Variants in WDR62 observed in about 807,000 individuals in gnomAD.
The protein encoded by WDR62 is WD repeat domain 62, also known as WD repeat-containing protein 62.
A neutral mutation model predicts 160.6 loss-of-function variants in WDR62; 112 were observed. The observed-to-expected ratio is 0.70, with a 90% CI of 0.60 to 0.82. The LOEUF is 0.82. Ranked by LOEUF, WDR62 falls within the 40% of genes least tolerant of loss-of-function variation. The probability of loss-of-function intolerance (pLI) is 0.00; values close to 1 mark genes in which losing one functional copy is unlikely to be tolerated. For missense variants in WDR62, 1,819 were observed against 1,983.8 expected, an observed-to-expected ratio of 0.92 and a Z score of 1.58; for synonymous variants, 792 against 815.1, an observed-to-expected ratio of 0.97 and a Z score of 0.48.
chr19:36,079,501 A>G (rs1009005280), intron 9 of WDR62, among the ~76,000 whole-genome samples: 2 of 152,100 alleles, frequency 1.3e-5, no homozygotes, highest in African/African-American at 4.8e-5. Flanking sequence ...GTGATTGGTC[A>G]ATTTCATTTC....
chr19:36,069,099 C>T (rs1477125546), intron 7 of WDR62, among the ~76,000 whole-genome samples: 9 of 147,130 alleles, frequency 6.1e-5, no homozygotes, highest in African/African-American at 9.9e-5. Flanking sequence ...CCCTCCCGGA[C>T]GGAGCGGCTG....
rs1441853092 is a variant in WDR62 at position 36,073,350 on chromosome 19, T to G, written c.1052T>G (p.Phe351Cys). Residue 351 changes from phenylalanine to cysteine, a missense_variant, in exon 9 of 32, where the codon TTC becomes TGC. This residue lies in a region of WDR62 where 934 missense variants were observed against 1,157.2 expected (regional missense o/e 0.81). Coordinates refer to ENST00000401500, the MANE Select transcript of WDR62 (RefSeq NM_001083961.2). ...VAQGLEPSFL[F>C]HRKAEAVYPD... The stretch of plus-strand genomic sequence containing the variant: ...CCATGTGGCCTTGTTAGCTTCCTCT[T>G]CCACAGGAAGGCGGAAGCAGTCTAC... 6.2e-7 allele frequency: 1 copy of G among 1,614,130 alleles called. No homozygotes were observed.
intron 9 of WDR62, among the ~76,000 whole-genome samples, chr19:36,074,854 C>T (rs1050455365): frequency 1.3e-5 from 2 of 152,162 alleles, no homozygotes; most frequent in Non-Finnish European, 2.9e-5. Context: ...GATGACTTCC[C>T]TGCCCCCAGT....
rs1267014793 is a variant in WDR62 at position 36,083,119 on chromosome 19, A to G, written c.1428A>G (p.Ser476=). 1.2e-6 allele frequency: 2 copies of G among 1,613,702 alleles called. No individual in the cohort carries two copies. The highest frequency in any genetic ancestry group is 1.7e-6 in the Non-Finnish European group (2 of 1,179,848). Residue 476 remains serine, a synonymous_variant, in exon 11 of 32, where the codon TCA becomes TCG. Transcript: ENST00000401500. ...ACATCCAGCACCTGCAGGACATGTC[A>G]CACTTCCCAGACCGGGGGAGCGAGA... ...ENDIQHLQDM[S]HFPDRGSENG...
intron 9 of WDR62, among the ~76,000 whole-genome samples, chr19:36,077,385 A>G (rs1342453397): frequency 7.2e-6 from 1 of 138,060 alleles, no homozygotes; most frequent in Admixed American, 7.9e-5. Context: ...GGTTCACGCC[A>G]TTCTTCTTCC....
Position 36,064,279 on chromosome 19 carries a change from T to TC in WDR62, c.333-1678dup, listed in dbSNP as rs34273976. Reference sequence around the variant, plus strand: ...GTCTCTGAACGCCACATTTTTTTTTTCTGTCTCTCTTTTTGAGACAGAGTC... The same window carrying TC: ...GTCTCTGAACGCCACATTTTTTTTTTCCTGTCTCTCTTTTTGAGACAGAGTC... On this transcript the variant is annotated intron_variant, in intron 3 of 31. Transcript: ENST00000401500. Among the ~76,000 whole-genome samples, 298 of 152,130 alleles carry TC rather than the reference T, an allele frequency of 2.0e-3. 1 individual carries two copies. Among genetic ancestry groups the TC allele is most frequent in the Middle Eastern group, 3.4e-3 (1 of 294 alleles).
chr19:36,099,247 G>T, intron 21 of WDR62, 152 bp from the exon 22 acceptor site: 4 of 521,404 alleles, frequency 7.7e-6, no homozygotes, highest in Non-Finnish European at 1.3e-5. Flanking sequence ...AAAAAAAACA[G>T]AGAAAGGTTC....
At chr19:36,066,209 C>T (rs749392644) in intron 4 of WDR62, 48 bp from the exon 5 acceptor site, 2 of 1,612,928 alleles carry the variant, frequency 1.2e-6, no homozygotes, top group African/African-American at 1.3e-5. Context: ...ACCCTCTAGC[C>T]CTGCCCAGTA....
At chr19:36,081,126 G>A (rs1057191324) in intron 9 of WDR62, among the ~76,000 whole-genome samples, 1 of 152,176 alleles carries the variant, frequency 6.6e-6, no homozygotes, top group Non-Finnish European at 1.5e-5. Flanking sequence ...GCTAGACTCT[G>A]TTGCTTCTGC....
chr19:36,070,064 A>G (rs1599767224), intron 7 of WDR62, among the ~76,000 whole-genome samples: 1 of 152,026 alleles, frequency 6.6e-6, no homozygotes, highest in African/African-American at 2.4e-5. Flanking sequence ...GGAGGATTGC[A>G]TTTTTTAAAA....
At chr19:36,086,923 CTG>C in intron 13 of WDR62, 111 bp downstream of exon 13, 7 of 1,413,410 alleles carry the variant, frequency 5.0e-6, no homozygotes, top group Non-Finnish European at 6.7e-6. Flanking sequence ...AATACAGTAT[CTG>C]TGTACAGTAT....
Position 36,083,245 on chromosome 19 carries a change from A to C in WDR62, c.1550+4A>C, listed in dbSNP as rs1486165272. 1 of 1,592,386 alleles carries C rather than the reference A, an allele frequency of 6.3e-7. No homozygotes were observed. The highest frequency in any genetic ancestry group is 1.1e-5 in the South Asian group (1 of 88,060). ...GCGACCGAAGTGGAAATCTGAGGCA[A>C]GTGGGCCCTGGCAGTGTCCAGTGTA... On this transcript the variant is annotated splice_donor_region_variant and intron_variant, in intron 11 of 31. Coordinates refer to ENST00000401500, the MANE Select transcript of WDR62 (RefSeq NM_001083961.2).
intron 7 of WDR62, 116 bp from the exon 8 acceptor site, chr19:36,071,440 G>A: frequency 1.7e-6 from 2 of 1,200,894 alleles, no homozygotes; most frequent in Non-Finnish European, 2.5e-6. Context: ...GGGTGTCTTA[G>A]ACCCAAGGAA....
intron 9 of WDR62, among the ~76,000 whole-genome samples, chr19:36,076,706 T>C (rs1270192407): frequency 6.6e-6 from 1 of 152,094 alleles, no homozygotes; most frequent in East Asian, 1.9e-4. Context: ...ACACAGGGGA[T>C]GGTGGAATTA....
rs902283064 is a variant in WDR62, at chr19:36,073,281, G to C, written c.1044-61G>C. ...CGGGGAGGCATCTCCACTGTCACTA[G>C]AGGTGGCTGTCACTACTCAGTGACA... On this transcript the variant is annotated intron_variant, in intron 8 of 31. Transcript: ENST00000401500. 4.3e-5 allele frequency: 65 copies of C among 1,524,782 alleles called. No homozygotes were observed. The South Asian group carries it at 5.5e-4, about 13-fold the overall frequency. 94.5% of individuals were successfully genotyped at this position (1,524,782 alleles called of 1,614,324 possible).
At chr19:36,094,584 AAAAT>A (rs1217230040) in intron 20 of WDR62, among the ~76,000 whole-genome samples, 4 of 150,998 alleles carry the variant, frequency 2.6e-5, no homozygotes, top group East Asian at 1.9e-4. Flanking sequence ...TAATATAAAT[AAAAT>A]AAATAAAATT....
At chr19:36,078,918 CTTTTT>C (rs1311066141) in intron 9 of WDR62, among the ~76,000 whole-genome samples, 4 of 79,512 alleles carry the variant, frequency 5.0e-5, no homozygotes, top group Admixed American at 4.4e-4. Context: ...TTTTTTTTTT[CTTTTT>C]TAAGAGTAAC....
At chr19:36,060,276 A>T (rs765163047) in intron 3 of WDR62, 2 of 568,426 alleles carry the variant, frequency 3.5e-6, no homozygotes, top group Non-Finnish European at 6.3e-6. Context: ...TTACGGGCTG[A>T]TCATGATCAG....
chr19:36,108,276 T>C (rs1973747427), downstream of WDR62, among the ~76,000 whole-genome samples: 1 of 152,150 alleles, frequency 6.6e-6, no homozygotes, highest in South Asian at 2.1e-4. Context: ...TCCTAGGCCA[T>C]GGAGCAGGGC....
Sources: gnomAD v4.1 joint callset for allele counts (sites outside exome capture counted in the v4.1 genomes callset) on GRCh38, gnomAD v4.1.1 for gene constraint, gnomAD v4.1.1 regional missense constraint, MANE v1.5 for transcripts, NCBI Gene and HGNC (gene_info 2026-07-23, HGNC 2026-07-21) for gene names.